The following DOCK7 variants were observed in gnomAD, a reference collection of about 807,000 sequenced individuals.
The protein encoded by DOCK7 is dedicator of cytokinesis protein 7.
In DOCK7, 138 loss-of-function variants were observed where a neutral mutation model predicts 271.0. The observed-to-expected ratio is 0.51, with a 90% CI of 0.44 to 0.59. The LOEUF (loss-of-function observed/expected upper bound fraction) is 0.59, where lower values mean the gene tolerates loss of function less well. DOCK7 is among the 20% of genes least tolerant of loss of function. The probability of loss-of-function intolerance (pLI) is 0.00; values close to 1 mark genes in which losing one functional copy is unlikely to be tolerated. For missense variants in DOCK7, 2,066 were observed against 2,592.4 expected, an observed-to-expected ratio of 0.80 and a Z score of 4.41; for synonymous variants, 823 against 876.1, an observed-to-expected ratio of 0.94 and a Z score of 1.07.
At chr1:62,622,310 G>A (rs759059927) in intron 12 of DOCK7, among the ~76,000 whole-genome samples, 2 of 151,964 alleles carry the variant, frequency 1.3e-5, no homozygotes, top group African/African-American at 4.8e-5. Context: ...CTCTACATTG[G>A]TTGTTTACTG....
chr1:62,590,333 T>A (rs1322644891), intron 14 of DOCK7, among the ~76,000 whole-genome samples: 1 of 152,212 alleles, frequency 6.6e-6, no homozygotes, highest in Non-Finnish European at 1.5e-5. Flanking sequence ...TTGATCTTGA[T>A]CACATCCTTG....
chr1:62,605,157 A>C (rs1650797580), intron 14 of DOCK7: 1 of 226,218 alleles, frequency 4.4e-6, no homozygotes, highest in Non-Finnish European at 8.8e-6. Context: ...AAGGCATCAT[A>C]TGAGCTAATA....
In DOCK7 at chr1:62,475,762, G is replaced by A. The variant is rs1645952347; in HGVS notation, c.5906C>T (p.Thr1969Met). 2.5e-6 allele frequency: 4 copies of A among 1,613,902 alleles called. No homozygotes were observed. Among genetic ancestry groups the A allele is most frequent in the East Asian group, 2.2e-5 (1 of 44,880 alleles). Residue 1969 changes from threonine to methionine, a missense_variant, in exon 46 of 50, where the codon ACG becomes ATG. Around this residue, in one of 2 missense-constraint regions of DOCK7, gnomAD observed 652 missense variants for 922.1 expected, o/e 0.71. Coordinates refer to ENST00000635253, the MANE Select transcript of DOCK7 (RefSeq NM_001367561.1). ...TTTAATATAAGGAAAGGCATGAGAC[G>A]TAGTCAGAATGGTCTTCCTTTTGAA... ...EQFKRKTILT[T>M]SHAFPYIKTR...
At chr1:62,563,289 C>CAG (rs1210518521) in intron 18 of DOCK7, among the ~76,000 whole-genome samples, 2 of 152,116 alleles carry the variant, frequency 1.3e-5, no homozygotes, top group Non-Finnish European at 2.9e-5. Context: ...CAGAATATTT[C>CAG]AGTAAGATCT....
At chr1:62,616,918 G>C (rs1652506341) in intron 14 of DOCK7, among the ~76,000 whole-genome samples, 1 of 151,636 alleles carries the variant, frequency 6.6e-6, no homozygotes, top group South Asian at 2.1e-4. Context: ...GATAGAAAAT[G>C]ATATAGAATT....
At chr1:62,472,372 T>G (rs1170606458) in intron 48 of DOCK7, among the ~76,000 whole-genome samples, 5 of 152,188 alleles carry the variant, frequency 3.3e-5, no homozygotes, top group Non-Finnish European at 5.9e-5. Flanking sequence ...CCCAAAGTGC[T>G]GGAATTACAG....
rs759268031 is a variant in DOCK7 at position 62,542,655 on chromosome 1, C to T, written c.2998G>A (p.Val1000Ile). ...ALQWVVCSGSVRESALQQAWF... is the reference protein window; with the variant it reads ...ALQWVVCSGSIRESALQQAWF... The stretch of plus-strand genomic sequence containing the variant: ...GCTTGTTGCAAAGCTGATTCCCGAA[C>T]GCTGCCACTGCAAACAACCCACTGC... The change falls in exon 25 of 50, where the codon GTT becomes ATT. Residue 1000 changes from valine to isoleucine, a missense_variant. Physicochemically the swap from Val to Ile is conservative, Grantham distance 29. Around this residue, in one of 2 missense-constraint regions of DOCK7, gnomAD observed 1,414 missense variants for 1,670.4 expected, o/e 0.85. Transcript: ENST00000635253. The T allele has an allele frequency of 1.9e-5, 31 of 1,612,952 alleles. No homozygotes were observed. The highest frequency in any genetic ancestry group is 1.5e-4 in the African/African-American group (11 of 74,880).
intron 18 of DOCK7, among the ~76,000 whole-genome samples, chr1:62,562,990 A>C (rs1646379447): frequency 6.6e-6 from 1 of 152,150 alleles, no homozygotes; most frequent in Non-Finnish European, 1.5e-5. Context: ...ACACACATTG[A>C]GGTGCTATCA....
intron 1 of DOCK7, among the ~76,000 whole-genome samples, chr1:62,671,644 CCTT>C (rs1660018043): frequency 6.6e-6 from 1 of 152,066 alleles, no homozygotes; most frequent in South Asian, 2.1e-4. Context: ...AAAAAGTATG[CCTT>C]CTTATCTATT....
intron 48 of DOCK7, among the ~76,000 whole-genome samples, chr1:62,463,211 T>C (rs1645581587): frequency 6.6e-6 from 1 of 152,138 alleles, no homozygotes; most frequent in Admixed American, 6.5e-5. Flanking sequence ...ATGAACCTCT[T>C]TGGTAAAGAG....
At chr1:62,552,520 A>G (rs1645942581) in intron 22 of DOCK7, among the ~76,000 whole-genome samples, 1 of 152,176 alleles carries the variant, frequency 6.6e-6, no homozygotes, top group African/African-American at 2.4e-5. Flanking sequence ...ATTCCAGACA[A>G]ATTTTAGAAT....
At chr1:62,612,032 T>C (rs902923433) in intron 14 of DOCK7, among the ~76,000 whole-genome samples, 2 of 150,704 alleles carry the variant, frequency 1.3e-5, no homozygotes, top group Non-Finnish European at 2.9e-5. Flanking sequence ...GGCTTGCACC[T>C]GTAGTCCCAC....
At position 62,474,170 on chromosome 1, in the gene DOCK7, T is replaced by C. The variant is rs148269583; in HGVS notation, c.6106-82A>G. 436 of 1,195,790 alleles carry C rather than the reference T, an allele frequency of 3.6e-4. 2 individuals are homozygous for C. In the African/African-American group the frequency reaches 6.2e-3, roughly 17 times the overall value. 74.1% of individuals were successfully genotyped at this position (1,195,790 alleles called of 1,614,324 possible). On this transcript the variant is annotated intron_variant, in intron 47 of 49. Coordinates refer to ENST00000635253, the MANE Select transcript of DOCK7 (RefSeq NM_001367561.1). ...CAGAATTTACTCAAATGATTTTTCT[T>C]AGCTCTGAGATGGCTGCATTTAAGC...
At chr1:62,561,991 C>T (rs751297447) in intron 18 of DOCK7, among the ~76,000 whole-genome samples, 5 of 151,390 alleles carry the variant, frequency 3.3e-5, no homozygotes, top group East Asian at 1.9e-4. Flanking sequence ...CATATATGTA[C>T]ATATATGTAC....
At chr1:62,646,632 G>A (rs997382169) in intron 7 of DOCK7, among the ~76,000 whole-genome samples, 1 of 152,224 alleles carries the variant, frequency 6.6e-6, no homozygotes, top group South Asian at 2.1e-4. Context: ...GCCAGAGAGA[G>A]ATGCCTCATG....
Position 62,688,369 on chromosome 1 carries a change from A to G in DOCK7, c.-105T>C. 1 of 735,018 alleles carries G rather than the reference A, an allele frequency of 1.4e-6. No individual in the cohort carries two copies. The highest frequency in any genetic ancestry group is 1.8e-6 in the Non-Finnish European group (1 of 556,650). The allele number at this position is 735,018 out of a possible 1,614,324, so 45.5% of individuals were successfully genotyped here. ...TGCTCCCTCCCTCGCGGCCTCCGCC[A>G]GTCCGGGCTCCGGACCTGGGAGGCT... On this transcript the variant is annotated 5_prime_UTR_variant, in exon 1 of 50. Coordinates refer to ENST00000635253, the MANE Select transcript of DOCK7 (RefSeq NM_001367561.1).
rs190235912 is a variant in DOCK7 at position 62,612,383 on chromosome 1, T to C, written c.1682+6323A>G. Reference sequence around the variant, plus strand: ...ACACAGACTGGGGACAGTCAGGGGGTTGGGTGCAAGGGAGGGAGAGCATTA... The same window carrying C: ...ACACAGACTGGGGACAGTCAGGGGGCTGGGTGCAAGGGAGGGAGAGCATTA... On this transcript the variant is annotated intron_variant, in intron 14 of 49. Transcript: ENST00000635253. Among the ~76,000 whole-genome samples, 247 of 151,218 alleles carry C rather than the reference T, an allele frequency of 1.6e-3. 1 individual carries two copies. The highest frequency in any genetic ancestry group is 2.8e-3 in the Non-Finnish European group (188 of 67,926).
At chr1:62,539,719 AAG>A in intron 26 of DOCK7, 31 bp downstream of exon 26, 1 of 1,611,490 alleles carries the variant, frequency 6.2e-7, no homozygotes, top group Non-Finnish European at 8.5e-7. Flanking sequence ...CTGAGCTTGA[AAG>A]AGAGATAAGT....
At chr1:62,469,044 C>T (rs1397578517) in intron 48 of DOCK7, among the ~76,000 whole-genome samples, 9 of 152,162 alleles carry the variant, frequency 5.9e-5, no homozygotes, top group Non-Finnish European at 2.9e-5. Flanking sequence ...ATACCACCAT[C>T]ATTCTTCACA....
Sources: gnomAD v4.1 joint callset for allele counts (sites outside exome capture counted in the v4.1 genomes callset) on GRCh38, gnomAD v4.1.1 for gene constraint, gnomAD v4.1.1 regional missense constraint, MANE v1.5 for transcripts, NCBI Gene and HGNC (gene_info 2026-07-23, HGNC 2026-07-21) for gene names.